Variants in TCF12 observed in about 807,000 individuals in gnomAD.
TCF12 encodes DNA-binding protein HTF4.
A neutral mutation model predicts 86.0 loss-of-function variants in TCF12; 45 were observed. The observed-to-expected ratio is 0.52, with a 90% CI of 0.41 to 0.67. The LOEUF (loss-of-function observed/expected upper bound fraction) is 0.67. TCF12 is among the 30% of genes least tolerant of loss of function. The pLI is 0.00. For missense variants in TCF12, 881 were observed against 859.9 expected, an observed-to-expected ratio of 1.02 and a Z score of -0.31; for synonymous variants, 330 against 299.6, an observed-to-expected ratio of 1.10 and a Z score of -1.05.
intron 12 of TCF12, among the ~76,000 whole-genome samples, chr15:57,237,146 AGAGTGTGTGT>A (rs1241438990): frequency 3.3e-4 from 50 of 150,374 alleles, no homozygotes; most frequent in South Asian, 8.5e-4. Context: ...AGAGAGAGAG[AGAGTGTGTGT>A]GTGTGTGTGT....
intron 8 of TCF12, among the ~76,000 whole-genome samples, chr15:57,205,106 A>G (rs2057747084): frequency 6.6e-6 from 1 of 152,108 alleles, no homozygotes; most frequent in Non-Finnish European, 1.5e-5. Context: ...TGAGCCCAGG[A>G]GTTCGAGATC....
chr15:57,111,803 A>G (rs2050511464), intron 5 of TCF12, among the ~76,000 whole-genome samples: 1 of 151,778 alleles, frequency 6.6e-6, no homozygotes, highest in Non-Finnish European at 1.5e-5. Context: ...ATGTTGTTCA[A>G]GCTGGTCTCA....
intron 3 of TCF12, among the ~76,000 whole-genome samples, chr15:57,023,425 A>C (rs1259614357): frequency 6.6e-6 from 1 of 152,128 alleles, no homozygotes; most frequent in Non-Finnish European, 1.5e-5. Context: ...CTGCTTGAAA[A>C]ATACACCAAT....
chr15:57,105,944 A>G lies in TCF12; in HGVS notation c.325+14053A>G, dbSNP rs185931968. On this transcript the variant is annotated intron_variant, in intron 5 of 20. Transcript: ENST00000333725. ...GTGGTTGATTACTGTCAGCATAGGG[A>G]TAAAAAGCAGATCACATGGGAGACA... Among the ~76,000 whole-genome samples the G allele has an allele frequency of 5.3e-5, 8 of 152,342 alleles. No individual in the cohort carries two copies. The East Asian group carries it at 1.5e-3, about 29-fold the overall frequency.
intron 3 of TCF12, among the ~76,000 whole-genome samples, chr15:56,934,082 C>T (rs2140288978): frequency 6.6e-6 from 1 of 152,064 alleles, no homozygotes; most frequent in Non-Finnish European, 1.5e-5. Flanking sequence ...TAAAATAAAT[C>T]CTCAGACATA....
intron 3 of TCF12, among the ~76,000 whole-genome samples, chr15:57,047,688 T>C (rs1265282698): frequency 6.6e-6 from 1 of 152,240 alleles, no homozygotes; most frequent in Non-Finnish European, 1.5e-5. Context: ...TAGCCTCAAC[T>C]GAAAAAACCT....
chr15:57,206,317 A>G (rs1566914411), intron 8 of TCF12, among the ~76,000 whole-genome samples: 1 of 152,186 alleles, frequency 6.6e-6, no homozygotes, highest in Non-Finnish European at 1.5e-5. Context: ...CCTGGCCAAC[A>G]TAGTGAAACC....
intron 19 of TCF12, among the ~76,000 whole-genome samples, chr15:57,275,029 C>T (rs1359138974): frequency 1.3e-5 from 2 of 152,112 alleles, no homozygotes; most frequent in Non-Finnish European, 2.9e-5. Context: ...CCAGTGGTTC[C>T]ATGCGGGCAC....
rs574409854 is a variant in TCF12, at chr15:56,972,240, A to G, written c.148+51142A>G. Among the ~76,000 whole-genome samples, 3 of 152,360 alleles carry G rather than the reference A, an allele frequency of 2.0e-5. 1 individual carries two copies. In the South Asian group the frequency reaches 6.2e-4, roughly 32 times the overall value. On this transcript the variant is annotated intron_variant, in intron 3 of 20. Coordinates refer to ENST00000333725, the MANE Select transcript of TCF12 (RefSeq NM_207037.2). ...CCCTTTTGGAAGGAACTTCGGCAGC[A>G]TCTAACAGAACTGCATATGCATTTT...
chr15:57,174,723 T>C (rs186075635), intron 6 of TCF12, among the ~76,000 whole-genome samples: 2 of 152,356 alleles, frequency 1.3e-5, no homozygotes, highest in East Asian at 3.9e-4. Context: ...TGTATTTCTG[T>C]ACACTATCAG....
At chr15:57,202,782 T>A (rs1446887780) in intron 8 of TCF12, among the ~76,000 whole-genome samples, 3 of 152,200 alleles carry the variant, frequency 2.0e-5, no homozygotes, top group Admixed American at 2.0e-4. Flanking sequence ...GCTGTTGAGT[T>A]CTCGGAACCT....
chr15:57,271,589 GC>G (rs770295883), intron 18 of TCF12, among the ~76,000 whole-genome samples: 3 of 152,140 alleles, frequency 2.0e-5, no homozygotes, highest in Non-Finnish European at 2.9e-5. Context: ...CCCTCCGTGG[GC>G]TGCACCCACT....
chr15:57,017,947 C>T (rs551462413), intron 3 of TCF12, among the ~76,000 whole-genome samples: 1 of 152,024 alleles, frequency 6.6e-6, no homozygotes, highest in Non-Finnish European at 1.5e-5. Flanking sequence ...TTTTGGTAAA[C>T]CTCCATGTAT....
chr15:57,049,439 C>T (rs1201334742), intron 3 of TCF12, among the ~76,000 whole-genome samples: 1 of 152,212 alleles, frequency 6.6e-6, no homozygotes, highest in Non-Finnish European at 1.5e-5. Context: ...AGTTTCGTTA[C>T]TTCTGGAATT....
rs752185650 is a variant in TCF12 at position 57,091,772 on chromosome 15, T to A, written c.223-17T>A. 5.0e-6 allele frequency: 8 copies of A among 1,596,556 alleles called. No individual in the cohort carries two copies. The African/African-American group carries it at 8.0e-5, about 16-fold the overall frequency. On this transcript the variant is annotated splice_polypyrimidine_tract_variant and intron_variant, in intron 4 of 20. Transcript: ENST00000333725. ...CCAAATAATCTCTTTAATACTCTGA[T>A]CTTTTTCTCCCCCTAGGGTTTTACA...
rs11336613 is a variant in TCF12, at chr15:57,104,861, GTTTTTTTTTTT to G, written c.325+12984_325+12994del. ...ATCTATCTTGCTGGTCTTTGGTGGT[GTTTTTTTTTTT>G]TTTTTTTTTTTTTGTCCTGTGAGGT... On this transcript the variant is annotated intron_variant, in intron 5 of 20. Transcript: ENST00000333725. Among the ~76,000 whole-genome samples the G allele has an allele frequency of 7.0e-3, 499 of 71,528 alleles. 4 individuals carry two copies. The highest frequency in any genetic ancestry group is 0.024 in the African/African-American group (447 of 18,380). The allele number at this position is 71,528 out of a possible 152,430, so 46.9% of individuals were successfully genotyped here. A position where few individuals can be genotyped will look rare whatever the true frequency, so the allele number is the denominator to read the frequency against.
At chr15:57,223,910 A>G (rs2058745779) in intron 8 of TCF12, among the ~76,000 whole-genome samples, 1 of 151,882 alleles carries the variant, frequency 6.6e-6, no homozygotes. Context: ...TTTTTATAAT[A>G]GGGAAAACAT....
chr15:56,967,615 A>C (rs2062068769), intron 3 of TCF12, among the ~76,000 whole-genome samples: 1 of 152,210 alleles, frequency 6.6e-6, no homozygotes, highest in South Asian at 2.1e-4. Context: ...TTTTATATGT[A>C]AGGTATTAGT....
intron 13 of TCF12, among the ~76,000 whole-genome samples, chr15:57,246,355 T>C (rs1479802566): frequency 6.6e-6 from 1 of 152,164 alleles, no homozygotes; most frequent in Non-Finnish European, 1.5e-5. Context: ...TTCTGAGATA[T>C]TGTATCAGTT....
Sources: allele counts gnomAD v4.1 joint callset (sites outside exome capture counted in the v4.1 genomes callset), GRCh38; gene constraint gnomAD v4.1.1; transcripts MANE v1.5; gene names NCBI Gene and HGNC (gene_info 2026-07-23, HGNC 2026-07-21).